Variants in NEK11 observed in about 807,000 individuals in gnomAD.
The protein encoded by NEK11 is serine/threonine-protein kinase Nek11.
Under a neutral mutation model 80.7 loss-of-function variants are expected in NEK11, and 72 were observed. The ratio of observed to expected loss-of-function variants is 0.89; its 90% confidence interval spans 0.74 to 1.08. The LOEUF (loss-of-function observed/expected upper bound fraction) is 1.08. Ranked by LOEUF, NEK11 falls within the 50% of genes least tolerant of loss-of-function variation. The probability of loss-of-function intolerance (pLI) is 0.00; values close to 1 mark genes in which losing one functional copy is unlikely to be tolerated. For missense variants in NEK11, 764 were observed against 763.6 expected (o/e 1.00, Z -0.01); for synonymous variants, 251 against 260.7 (o/e 0.96, Z 0.36).
At chr3:131,191,707 A>G (rs1302883858) in intron 14 of NEK11, among the ~76,000 whole-genome samples, 1 of 152,192 alleles carries the variant, frequency 6.6e-6, no homozygotes, top group Non-Finnish European at 1.5e-5. Flanking sequence ...AAAAAAATAC[A>G]ATGTTTAAAA....
intron 3 of NEK11, among the ~76,000 whole-genome samples, chr3:131,042,847 C>T (rs574269434): frequency 6.6e-6 from 1 of 152,310 alleles, no homozygotes; most frequent in East Asian, 1.9e-4. Flanking sequence ...TCGACAGGTA[C>T]CTCACACGGG....
intron 17 of NEK11, among the ~76,000 whole-genome samples, chr3:131,332,646 G>T (rs1364163608): frequency 2.0e-5 from 3 of 152,212 alleles, no homozygotes; most frequent in Non-Finnish European, 4.4e-5. Context: ...AGAGAAGAAG[G>T]CTTCAGATGA....
chr3:131,259,627 G>T (rs966485851), intron 16 of NEK11, among the ~76,000 whole-genome samples: 6 of 152,116 alleles, frequency 3.9e-5, no homozygotes, highest in Non-Finnish European at 5.9e-5. Flanking sequence ...AGTGATGAAG[G>T]CCTGACAAGC....
chr3:131,308,974 G>A (rs928557943), intron 17 of NEK11, among the ~76,000 whole-genome samples: 7 of 152,296 alleles, frequency 4.6e-5, no homozygotes, highest in South Asian at 2.1e-4. Context: ...CAGAGTTTGT[G>A]TTCCTATGAG....
chr3:131,086,015 G>A (rs188751893), intron 4 of NEK11, among the ~76,000 whole-genome samples: 5 of 152,130 alleles, frequency 3.3e-5, no homozygotes, highest in African/African-American at 4.8e-5. Flanking sequence ...GTTTTATCAC[G>A]ATTAGATTGA....
intron 3 of NEK11, among the ~76,000 whole-genome samples, chr3:131,057,879 A>G (rs1054443464): frequency 3.4e-5 from 5 of 149,048 alleles, no homozygotes; most frequent in Non-Finnish European, 3.0e-5. Context: ...CTGTGCAGAA[A>G]CTCTTTAGTT....
At position 131,109,821 on chromosome 3, in the gene NEK11, A is replaced by G. The variant is rs780098942; in HGVS notation, c.355A>G (p.Lys119Glu). 4.4e-6 allele frequency: 7 copies of G among 1,601,246 alleles called. No homozygotes were observed. In the Admixed American group the frequency reaches 1.1e-4, roughly 24 times the overall value. The change falls in exon 5 of 18, where the codon AAA becomes GAA. Residue 119 changes from lysine (K) to glutamate (E), a missense_variant. Lys to Glu is a moderately conservative substitution (Grantham distance 56, BLOSUM62 1). Transcript: ENST00000383366. ...EYCEGRDLDD[K>E]IQEYKQAGKI... ...ATTTCAGGGCCGAGATCTGGACGAT[A>G]AAATTCAGGAATATAAACAAGCTGG...
At chr3:131,174,559 C>T (rs1360742329) in intron 14 of NEK11, among the ~76,000 whole-genome samples, 1 of 152,158 alleles carries the variant, frequency 6.6e-6, no homozygotes, top group Non-Finnish European at 1.5e-5. Context: ...TTATTATTTA[C>T]ATTTGATATG....
Position 131,309,987 on chromosome 3 carries a change from TAAAAAAAAAAAAAAAAA to T in NEK11, c.1718+36433_1718+36449del, listed in dbSNP as rs558210123. 6.9e-4 allele frequency among the ~76,000 whole-genome samples: 16 copies of T among 23,308 alleles called. No homozygotes were observed. The South Asian group carries it at 0.031, about 45-fold the overall frequency. The allele number at this position is 23,308 out of a possible 152,430, so 15.3% of individuals were successfully genotyped here. Reference sequence around the variant, plus strand: ...CTGGGTGAGAGAATGAGACCATGTTTAAAAAAAAAAAAAAAAAAAAAAAAAAAAAAAAAAAACAACCT... The same window carrying T: ...CTGGGTGAGAGAATGAGACCATGTTTAAAAAAAAAAAAAAAAAAACAACCT... On this transcript the variant is annotated intron_variant, in intron 17 of 17. Coordinates refer to ENST00000383366, the MANE Select transcript of NEK11 (RefSeq NM_024800.5).
At chr3:131,097,143 A>G (rs976227394) in intron 4 of NEK11, among the ~76,000 whole-genome samples, 2 of 151,846 alleles carry the variant, frequency 1.3e-5, no homozygotes, top group African/African-American at 4.8e-5. Context: ...ATTGTTGGAC[A>G]TTTGGGTTGG....
chr3:131,346,035 G>A (rs1368288495), intron 17 of NEK11, among the ~76,000 whole-genome samples: 1 of 152,020 alleles, frequency 6.6e-6, no homozygotes, highest in Non-Finnish European at 1.5e-5. Flanking sequence ...AGGCAGGGTT[G>A]GTAGGGGAGA....
chr3:131,344,006 A>G (rs2097325037), intron 17 of NEK11, among the ~76,000 whole-genome samples: 1 of 152,032 alleles, frequency 6.6e-6, no homozygotes, highest in Non-Finnish European at 1.5e-5. Flanking sequence ...GCCTGCTTGA[A>G]TTTCTCTCCC....
At chr3:131,181,408 C>T (rs1199343669) in intron 14 of NEK11, among the ~76,000 whole-genome samples, 1 of 152,198 alleles carries the variant, frequency 6.6e-6, no homozygotes, top group Non-Finnish European at 1.5e-5. Context: ...TGTATCTTAG[C>T]TTGGTGAGAT....
chr3:131,232,638 A>T (rs12638527), intron 15 of NEK11, among the ~76,000 whole-genome samples: 2,804 of 152,328 alleles, frequency 0.018, 43 homozygotes, highest in East Asian at 0.086. Flanking sequence ...ATTCTTAGGA[A>T]AAACAATTGA....
intron 14 of NEK11, among the ~76,000 whole-genome samples, chr3:131,193,783 G>C (rs1359108430): frequency 1.3e-5 from 2 of 152,150 alleles, no homozygotes; most frequent in African/African-American, 4.8e-5. Flanking sequence ...GGATAATTGT[G>C]TGATGAAGTA....
At chr3:131,192,663 T>C (rs1304141705) in intron 14 of NEK11, among the ~76,000 whole-genome samples, 1 of 152,194 alleles carries the variant, frequency 6.6e-6, no homozygotes, top group Non-Finnish European at 1.5e-5. Context: ...GACATTATGC[T>C]ACATGCAATA....
intron 14 of NEK11, among the ~76,000 whole-genome samples, chr3:131,190,487 C>T (rs1025139920): frequency 6.6e-6 from 1 of 152,020 alleles, no homozygotes; most frequent in African/African-American, 2.4e-5. Flanking sequence ...GCTTCTTCCC[C>T]CTTCTTGTTC....
intron 16 of NEK11, among the ~76,000 whole-genome samples, chr3:131,268,736 G>A (rs1581162018): frequency 6.6e-6 from 1 of 152,354 alleles, no homozygotes; most frequent in East Asian, 1.9e-4. Context: ...CAGTCAGGAG[G>A]CATGGGGGTC....
At chr3:131,061,477 A>G (rs1056598377) in intron 3 of NEK11, among the ~76,000 whole-genome samples, 1 of 152,084 alleles carries the variant, frequency 6.6e-6, no homozygotes, top group African/African-American at 2.4e-5. Context: ...TTATGATCAG[A>G]TAGTGTATCT....
Sources: gnomAD v4.1 joint callset for allele counts (sites outside exome capture counted in the v4.1 genomes callset) on GRCh38, gnomAD v4.1.1 for gene constraint, MANE v1.5 for transcripts, NCBI Gene and HGNC (gene_info 2026-07-23, HGNC 2026-07-21) for gene names.